The following CAMSAP1 variants were observed in gnomAD, a reference collection of about 807,000 sequenced individuals.
The protein encoded by CAMSAP1 is calmodulin regulated spectrin associated protein 1.
Under a neutral mutation model 143.5 loss-of-function variants are expected in CAMSAP1, and 58 were observed. The ratio of observed to expected loss-of-function variants is 0.40; its 90% CI spans 0.33 to 0.50. The LOEUF is 0.50. Among genes scored for constraint, CAMSAP1 ranks in the 20% least tolerant of loss-of-function variants. The pLI is 0.45. For missense variants in CAMSAP1, 1,969 were observed against 2,115.7 expected (o/e 0.93, Z 1.36); for synonymous variants, 945 against 859.3 (o/e 1.10, Z -1.74).
chr9:135,818,637 G>A lies in CAMSAP1; in HGVS notation c.3960-21C>T, dbSNP rs1392127673. 1 of 1,608,436 alleles carries A rather than the reference G, an allele frequency of 6.2e-7. No homozygotes were observed. On this transcript the variant is annotated intron_variant, in intron 12 of 16. Coordinates refer to ENST00000389532, the MANE Select transcript of CAMSAP1 (RefSeq NM_015447.4). The surrounding 1 kb of genome is among the most constrained non-coding windows in gnomAD (Gnocchi z 7.7). ...TGCGCCTGAGAGAAACACACGCCCA[G>A]ACACTGCTCGGTCACGGGGCTTCTT...
rs568647812 is a variant in CAMSAP1 at position 135,811,975 on chromosome 9, C to A, written c.4507-364G>T. Among the ~76,000 whole-genome samples, 1 of 152,138 alleles carries A rather than the reference C, an allele frequency of 6.6e-6. No homozygotes were observed. Among genetic ancestry groups the A allele is most frequent in the Non-Finnish European group, 1.5e-5 (1 of 68,032 alleles). Reference sequence around the variant, plus strand: ...GAAGCAGGGCGGTAACGAGTGCTGGCGAGCCATGGGGCTCTTTCACTGCCA... The same window carrying A: ...GAAGCAGGGCGGTAACGAGTGCTGGAGAGCCATGGGGCTCTTTCACTGCCA... On this transcript the variant is annotated intron_variant, in intron 16 of 16. Coordinates refer to ENST00000389532, the MANE Select transcript of CAMSAP1 (RefSeq NM_015447.4). The surrounding 1 kb of genome is among the most constrained non-coding windows in gnomAD (Gnocchi z 4.9).
intron 16 of CAMSAP1, among the ~76,000 whole-genome samples, chr9:135,812,041 G>A (rs776187732): frequency 6.6e-6 from 1 of 152,120 alleles, no homozygotes; most frequent in Non-Finnish European, 1.5e-5. Context: ...AAAACAACTT[G>A]GCTCTTCTCC....
At chr9:135,837,769 A>G (rs1281203777) in intron 7 of CAMSAP1, among the ~76,000 whole-genome samples, 1 of 140,712 alleles carries the variant, frequency 7.1e-6, no homozygotes, top group Non-Finnish European at 1.5e-5. Context: ...ACACATCATC[A>G]CGCACTTTCT....
chr9:135,839,401 G>A (rs1836258002), intron 7 of CAMSAP1, among the ~76,000 whole-genome samples: 1 of 152,150 alleles, frequency 6.6e-6, no homozygotes, highest in African/African-American at 2.4e-5. Context: ...TTCCCAAAGG[G>A]ACCACCAGCT....
chr9:135,860,473 C>CT (rs1837143635), intron 5 of CAMSAP1, among the ~76,000 whole-genome samples: 1 of 151,700 alleles, frequency 6.6e-6, no homozygotes, highest in African/African-American at 2.4e-5. Flanking sequence ...TGGTGGACAC[C>CT]TGTAATCCCA....
chr9:135,818,433 G>C lies in CAMSAP1; in HGVS notation c.4143C>G (p.Asp1381Glu). ...GGGTGGAGGAGCACTTGGTGCCGGA[G>C]TCGCTGCACGACTCTTCCCGGTGCA... ...KSVHREESCSDSGTKCSSTPD... is the reference protein window; with the variant it reads ...KSVHREESCSESGTKCSSTPD... Residue 1381 changes from aspartate (D) to glutamate (E), a missense_variant, in exon 13 of 17, where the codon GAC becomes GAG. Physicochemically the swap from Asp to Glu is conservative, Grantham distance 45. This residue lies in a region of CAMSAP1 where 1,390 missense variants were observed against 1,420.8 expected (regional missense o/e 0.98). Coordinates refer to ENST00000389532, the MANE Select transcript of CAMSAP1 (RefSeq NM_015447.4). The surrounding 1 kb of genome is among the most constrained non-coding windows in gnomAD (Gnocchi z 7.7). 1 of 1,593,252 alleles carries C rather than the reference G, an allele frequency of 6.3e-7. No individual in the cohort carries two copies. Among genetic ancestry groups the C allele is most frequent in the Non-Finnish European group, 8.5e-7 (1 of 1,174,866 alleles).
At chr9:135,881,217 C>T (rs1380796897) in intron 3 of CAMSAP1, among the ~76,000 whole-genome samples, 1 of 151,902 alleles carries the variant, frequency 6.6e-6, no homozygotes, top group Admixed American at 6.6e-5. Context: ...ATTAGCCAAG[C>T]ATAGTAGCAC....
chr9:135,847,003 C>T (rs954207529), intron 7 of CAMSAP1, among the ~76,000 whole-genome samples: 17 of 152,060 alleles, frequency 1.1e-4, no homozygotes, highest in African/African-American at 3.9e-4. Flanking sequence ...ACTGAAATAC[C>T]ATTTGACCCA....
intron 3 of CAMSAP1, among the ~76,000 whole-genome samples, chr9:135,870,988 A>G (rs1309635171): frequency 6.6e-6 from 1 of 152,224 alleles, no homozygotes; most frequent in Admixed American, 6.5e-5. Flanking sequence ...ACAGATTTGC[A>G]TACTTCTCAG....
Position 135,810,112 on chromosome 9 carries a change from C to T in CAMSAP1, c.*1197G>A, listed in dbSNP as rs56055200. ...CAGTGTCTGGCAGCCATGGCTGGCA[C>T]GCACCTGCTCCTGGGAATGTCCGCG... is the stretch of plus-strand genomic sequence containing the variant. On this transcript the variant is annotated 3_prime_UTR_variant, in exon 17 of 17. Coordinates refer to ENST00000389532, the MANE Select transcript of CAMSAP1 (RefSeq NM_015447.4). The T allele has an allele frequency of 2.2e-3, 331 of 152,704 alleles. 2 individuals are homozygous for T. The highest frequency in any genetic ancestry group is 2.4e-3 in the Non-Finnish European group (162 of 68,038). 9.5% of individuals were successfully genotyped at this position (152,704 alleles called of 1,614,324 possible).
intron 1 of CAMSAP1, among the ~76,000 whole-genome samples, chr9:135,898,249 T>C (rs887022684): frequency 6.6e-6 from 1 of 152,170 alleles, no homozygotes; most frequent in African/African-American, 2.4e-5. Context: ...CCTGGTGTAA[T>C]ATTATGCTAC....
rs1410798988 is a variant in CAMSAP1, at chr9:135,906,975, G to A, written c.160+25C>T. On this transcript the variant is annotated intron_variant, in intron 1 of 16. Coordinates refer to ENST00000389532, the MANE Select transcript of CAMSAP1 (RefSeq NM_015447.4). ...GCCCCGGCCCGCGCCCCTGGCCCCC[G>A]CCCCGCGCCCCTCACCCGGCCCACC... The A allele has an allele frequency of 8.7e-6, 8 of 919,234 alleles. No individual in the cohort carries two copies. In the African/African-American group the frequency reaches 1.3e-4, roughly 15 times the overall value. The allele number at this position is 919,234 out of a possible 1,614,324, so 56.9% of individuals were successfully genotyped here.
At chr9:135,888,263 C>T (rs1588505998) in intron 1 of CAMSAP1, among the ~76,000 whole-genome samples, 1 of 152,236 alleles carries the variant, frequency 6.6e-6, no homozygotes, top group South Asian at 2.1e-4. Context: ...TTATTCCTTC[C>T]GTCGCTATTA....
At chr9:135,858,567 A>G (rs1028997161) in intron 5 of CAMSAP1, among the ~76,000 whole-genome samples, 7 of 152,242 alleles carry the variant, frequency 4.6e-5, no homozygotes, top group Non-Finnish European at 7.3e-5. Flanking sequence ...ATAACTGTGC[A>G]TTTGTCAGGG....
intron 6 of CAMSAP1, 41 bp downstream of exon 6, chr9:135,850,281 C>T: frequency 6.2e-7 from 1 of 1,612,342 alleles, no homozygotes; most frequent in Non-Finnish European, 8.5e-7. Context: ...AGTTTATTCA[C>T]ACATGGTTTT....
rs1835621233 is a variant in CAMSAP1, at chr9:135,824,967, T to G, written c.1224-87A>C. Reference sequence around the variant, plus strand: ...AATGCACAAGTGTACAGGACCATCCTGAATTCACACCAAGTTTTGAGAAAC... The same window carrying G: ...AATGCACAAGTGTACAGGACCATCCGGAATTCACACCAAGTTTTGAGAAAC... On this transcript the variant is annotated intron_variant, in intron 8 of 16. Coordinates refer to ENST00000389532, the MANE Select transcript of CAMSAP1 (RefSeq NM_015447.4). This position sits in a 1 kb window ranked among gnomAD's most constrained non-coding sequence, Gnocchi z 4.1. 9.9e-7 allele frequency: 1 copy of G among 1,010,758 alleles called. No individual in the cohort carries two copies. The highest frequency in any genetic ancestry group is 1.4e-6 in the Non-Finnish European group (1 of 693,226). 62.6% of individuals were successfully genotyped at this position (1,010,758 alleles called of 1,614,324 possible). A position where few individuals can be genotyped will look rare whatever the true frequency, so the allele number is the denominator to read the frequency against.
chr9:135,839,253 C>T (rs898808892), intron 7 of CAMSAP1, among the ~76,000 whole-genome samples: 1 of 152,198 alleles, frequency 6.6e-6, no homozygotes, highest in South Asian at 2.1e-4. Context: ...AGCTACTCAG[C>T]AAGCCACTGT....
chr9:135,850,611 G>GT, intron 5 of CAMSAP1, 150 bp from the exon 6 acceptor site: 1 of 599,516 alleles, frequency 1.7e-6, no homozygotes. Flanking sequence ...TGTACAACAA[G>GT]TAACACTAAG....
chr9:135,876,320 T>C (rs1837746426), intron 3 of CAMSAP1, among the ~76,000 whole-genome samples: 1 of 152,212 alleles, frequency 6.6e-6, no homozygotes, highest in South Asian at 2.1e-4. Flanking sequence ...AAGATCTTCA[T>C]GATACATACA....
Sources: allele counts gnomAD v4.1 joint callset (sites outside exome capture counted in the v4.1 genomes callset), GRCh38; gene constraint gnomAD v4.1.1; regional missense constraint gnomAD v4.1.1; non-coding constraint Gnocchi (gnomAD v3.1); transcripts MANE v1.5; gene names NCBI Gene and HGNC (gene_info 2026-07-23, HGNC 2026-07-21).